Variants in STK32C observed in about 807,000 individuals in gnomAD.
STK32C encodes the protein serine/threonine kinase 32C.
Under a neutral mutation model 56.5 loss-of-function variants are expected in STK32C, and 31 were observed. The observed-to-expected ratio is 0.55, with a 90% CI of 0.41 to 0.74. The LOEUF (loss-of-function observed/expected upper bound fraction) is 0.74, where lower values mean the gene tolerates loss of function less well. Ranked by LOEUF, STK32C falls within the 30% of genes least tolerant of loss-of-function variation. The pLI is 0.00. For missense variants in STK32C, 544 were observed against 676.9 expected (o/e 0.80, Z 2.18); for synonymous variants, 309 against 289.4 (o/e 1.07, Z -0.69).
intron 1 of STK32C, among the ~76,000 whole-genome samples, chr10:132,257,609 T>A (rs190808223): frequency 6.6e-6 from 1 of 151,942 alleles, no homozygotes; most frequent in African/African-American, 2.4e-5. Flanking sequence ...CCACCCCATC[T>A]GGTGCCCACC....
At chr10:132,292,534 C>A (rs369334304) in intron 1 of STK32C, among the ~76,000 whole-genome samples, 2 of 152,184 alleles carry the variant, frequency 1.3e-5, no homozygotes, top group Non-Finnish European at 1.5e-5. Flanking sequence ...TACATGCACA[C>A]GCATGCACAC....
intron 2 of STK32C, among the ~76,000 whole-genome samples, chr10:132,233,535 C>T (rs2063171426): frequency 6.6e-6 from 1 of 152,232 alleles, no homozygotes; most frequent in East Asian, 1.9e-4. Flanking sequence ...CACGAGGCCA[C>T]AAACCTCTCA....
At chr10:132,237,183 CTCCCTGGACT>C (rs2063324485) in intron 2 of STK32C, among the ~76,000 whole-genome samples, 1 of 51,572 alleles carries the variant, frequency 1.9e-5, no homozygotes, top group Admixed American at 3.1e-4. Flanking sequence ...CCTGACTGTG[CTCCCTGGACT>C]GTGCTCCCTG....
At chr10:132,230,104 C>T (rs1181533511) in intron 2 of STK32C, among the ~76,000 whole-genome samples, 1 of 151,498 alleles carries the variant, frequency 6.6e-6, no homozygotes, top group Non-Finnish European at 1.5e-5. Flanking sequence ...GCAGGCAGCC[C>T]GAGAACAGAC....
chr10:132,268,332 T>C (rs1418930026), intron 1 of STK32C, among the ~76,000 whole-genome samples: 1 of 150,328 alleles, frequency 6.7e-6, no homozygotes, highest in Non-Finnish European at 1.5e-5. Context: ...TCGGTGTGTG[T>C]GCATGCATGT....
At chr10:132,228,326 G>A in intron 2 of STK32C, 198 bp from the exon 3 acceptor site, 1 of 656,682 alleles carries the variant, frequency 1.5e-6, no homozygotes, top group Non-Finnish European at 2.7e-6. Context: ...ATTTGCTCTG[G>A]GGATTAAGAT....
At chr10:132,318,269 A>G (rs905292895) in intron 1 of STK32C, among the ~76,000 whole-genome samples, 3 of 151,136 alleles carry the variant, frequency 2.0e-5, no homozygotes, top group Non-Finnish European at 4.4e-5. Context: ...CTATGTCTCA[A>G]AAAAAAAGAG....
chr10:132,324,488 C>A (rs1217198160), intron 1 of STK32C: 6 of 607,472 alleles, frequency 9.9e-6, no homozygotes, highest in South Asian at 8.2e-5. Flanking sequence ...CACAGCAGAG[C>A]AGAAATGGAA....
chr10:132,293,797 G>C (rs1437743979), intron 1 of STK32C, among the ~76,000 whole-genome samples: 1 of 152,184 alleles, frequency 6.6e-6, no homozygotes, highest in South Asian at 2.1e-4. Flanking sequence ...CCACTGCCTG[G>C]GGAATGGGGG....
At chr10:132,268,199 G>A (rs2064653133) in intron 1 of STK32C, among the ~76,000 whole-genome samples, 1 of 147,376 alleles carries the variant, frequency 6.8e-6, no homozygotes, top group African/African-American at 2.5e-5. Flanking sequence ...TCAGCTCTAT[G>A]CCTGTGTGCA....
intron 2 of STK32C, among the ~76,000 whole-genome samples, chr10:132,233,887 C>G (rs2063183088): frequency 6.6e-6 from 1 of 152,256 alleles, no homozygotes; most frequent in African/African-American, 2.4e-5. Flanking sequence ...ACAGCTGCCT[C>G]CCCTCAGCTG....
At chr10:132,234,871 C>T (rs1444222717) in intron 2 of STK32C, among the ~76,000 whole-genome samples, 4 of 152,224 alleles carry the variant, frequency 2.6e-5, no homozygotes, top group Non-Finnish European at 5.9e-5. Context: ...AGTATGCCCA[C>T]CGGGGCAGGT....
At chr10:132,323,200 C>T (rs116327831), downstream of STK32C, among the ~76,000 whole-genome samples, 633 of 152,270 alleles carry the variant, frequency 4.2e-3, 12 homozygotes, top group African/African-American at 0.014. The surrounding 1 kb of genome is among the most constrained non-coding windows in gnomAD (Gnocchi z 4.8). Context: ...AATAGGCTTA[C>T]CATGTAATTT....
chr10:132,267,508 CGT>C (rs71472734), intron 1 of STK32C, among the ~76,000 whole-genome samples: 52 of 147,480 alleles, frequency 3.5e-4, no homozygotes, highest in African/African-American at 7.8e-4. Context: ...TGTCCCACAT[CGT>C]GTGTGTGTCA....
intron 2 of STK32C, among the ~76,000 whole-genome samples, chr10:132,230,490 G>GGCTCAAGGCGGTCACTA (rs1565085429): frequency 4.6e-5 from 7 of 152,118 alleles, no homozygotes; most frequent in African/African-American, 1.4e-4. Context: ...GACGGTCACT[G>GGCTCAAGGCGGTCACTA]CAGGCTCAAG....
At chr10:132,222,175 C>A (rs1287991954) in intron 10 of STK32C, among the ~76,000 whole-genome samples, 1 of 149,720 alleles carries the variant, frequency 6.7e-6, no homozygotes, top group East Asian at 2.0e-4. Context: ...CCTGCACACA[C>A]AACCAAAGCC....
intron 1 of STK32C, among the ~76,000 whole-genome samples, chr10:132,294,438 G>A (rs1347222510): frequency 3.3e-5 from 5 of 152,198 alleles, no homozygotes; most frequent in South Asian, 2.1e-4. Flanking sequence ...GCCTGCAGAC[G>A]GCAGGGAGTG....
chr10:132,252,754 C>T (rs2063953482), intron 1 of STK32C, among the ~76,000 whole-genome samples: 1 of 152,242 alleles, frequency 6.6e-6, no homozygotes, highest in Non-Finnish European at 1.5e-5. Context: ...GCATTCGAAT[C>T]CAGGGTCTTT....
downstream of STK32C, among the ~76,000 whole-genome samples, chr10:132,322,584 C>T (rs1297767682): frequency 6.6e-6 from 1 of 152,198 alleles, no homozygotes; most frequent in Non-Finnish European, 1.5e-5. Flanking sequence ...GGAAACTACA[C>T]AGGTAATGGG....
Sources: allele counts gnomAD v4.1 joint callset (sites outside exome capture counted in the v4.1 genomes callset), GRCh38; gene constraint gnomAD v4.1.1; non-coding constraint Gnocchi (gnomAD v3.1); transcripts MANE v1.5; gene names NCBI Gene and HGNC (gene_info 2026-07-23, HGNC 2026-07-21).